CACNA2D4: variants seen among roughly 807,000 people sequenced by gnomAD.
CACNA2D4 encodes voltage-dependent calcium channel subunit alpha-2/delta-4.
In CACNA2D4, 157 loss-of-function variants were observed where a neutral mutation model predicts 163.8. The ratio of observed to expected loss-of-function variants is 0.96; its 90% CI spans 0.84 to 1.09. The LOEUF is 1.09. Ranked by LOEUF, CACNA2D4 falls within the 50% of genes least tolerant of loss-of-function variation. The pLI, the probability that CACNA2D4 is intolerant of heterozygous loss-of-function variation, is 0.00. For missense variants in CACNA2D4, 1,410 were observed against 1,479.9 expected, an observed-to-expected ratio of 0.95 and a Z score of 0.78; for synonymous variants, 598 against 586.9, an observed-to-expected ratio of 1.02 and a Z score of -0.27.
At chr12:1,794,268 C>T (rs186028941) in intron 37 of CACNA2D4, among the ~76,000 whole-genome samples, 167 of 152,212 alleles carry the variant, frequency 1.1e-3, no homozygotes, top group African/African-American at 3.6e-3. Context: ...CGTGGCTCTT[C>T]GTTAAAGCAC....
At position 1,806,298 on chromosome 12, in the gene CACNA2D4, A is replaced by G. The variant is rs1197533022; in HGVS notation, c.2721+3980T>C. The stretch of plus-strand genomic sequence containing the variant: ...GTCTGCTTCTCTTTCTAGGCCCCAC[A>G]TCGAGGGTTGCAATCTTGTCATCCA... On this transcript the variant is annotated intron_variant, in intron 29 of 37. Coordinates refer to ENST00000382722, the MANE Select transcript of CACNA2D4 (RefSeq NM_172364.5). This position sits in a 1 kb window ranked among gnomAD's most constrained non-coding sequence, Gnocchi z 4.1. Among the ~76,000 whole-genome samples, 2 of 152,172 alleles carry G rather than the reference A, an allele frequency of 1.3e-5. No homozygotes were observed. Among genetic ancestry groups the G allele is most frequent in the Admixed American group, 6.5e-5 (1 of 15,282 alleles).
intron 26 of CACNA2D4, among the ~76,000 whole-genome samples, chr12:1,817,412 G>T (rs1304856215): frequency 6.6e-6 from 1 of 152,072 alleles, no homozygotes; most frequent in Non-Finnish European, 1.5e-5. Flanking sequence ...ACACGGAACA[G>T]GTGAGGCCAG....
chr12:1,874,760 G>T lies in CACNA2D4; in HGVS notation c.1807-85C>A. The T allele has an allele frequency of 4.1e-6, 4 of 977,784 alleles. No homozygotes were observed. The highest frequency in any genetic ancestry group is 6.5e-6 in the Non-Finnish European group (4 of 611,354). 60.6% of individuals were successfully genotyped at this position (977,784 alleles called of 1,614,324 possible). A position where few individuals can be genotyped will look rare whatever the true frequency, so the allele number is the denominator to read the frequency against. ...GCATTCTTCAGACCAGATTAGAGGT[G>T]ATCCCCAGAAACACTTTTGGTTCTT... On this transcript the variant is annotated intron_variant, in intron 17 of 37. Transcript: ENST00000382722. The surrounding 1 kb of genome is among the most constrained non-coding windows in gnomAD (Gnocchi z 4.4).
At position 1,885,307 on chromosome 12, in the gene CACNA2D4, A is replaced by G. The variant is rs1468010604; in HGVS notation, c.1069-231T>C. Among the ~76,000 whole-genome samples the G allele has an allele frequency of 7.9e-5, 12 of 152,134 alleles. 1 individual carries two copies. Among genetic ancestry groups the G allele is most frequent in the Admixed American group, 5.2e-4 (8 of 15,284 alleles). ...GACTTGGTACACATCCATGGCCACTATTGATGGGAAACGCCAAGTGTGAAG... is the reference window on the plus strand; with the variant it reads ...GACTTGGTACACATCCATGGCCACTGTTGATGGGAAACGCCAAGTGTGAAG... On this transcript the variant is annotated intron_variant, in intron 9 of 37. Coordinates refer to ENST00000382722, the MANE Select transcript of CACNA2D4 (RefSeq NM_172364.5).
chr12:1,849,530 T>C (rs977479069), intron 23 of CACNA2D4, among the ~76,000 whole-genome samples: 15 of 152,248 alleles, frequency 9.9e-5, no homozygotes, highest in African/African-American at 3.4e-4. Flanking sequence ...TGGCTAGGTT[T>C]AGCTGTTTCA....
chr12:1,889,588 C>T (rs1030180055), intron 6 of CACNA2D4, among the ~76,000 whole-genome samples: 3 of 151,042 alleles, frequency 2.0e-5, no homozygotes, highest in Admixed American at 1.3e-4. Context: ...CCGCCCCCCC[C>T]AGTAGCTGGA....
intron 24 of CACNA2D4, among the ~76,000 whole-genome samples, chr12:1,845,328 C>G (rs1865119977): frequency 9.1e-6 from 1 of 110,028 alleles, no homozygotes; most frequent in Admixed American, 1.2e-4. Context: ...TGAGAGGGGG[C>G]GAGGGAAGGG....
At chr12:1,899,756 A>G (rs1272298009) in intron 6 of CACNA2D4, among the ~76,000 whole-genome samples, 1 of 152,172 alleles carries the variant, frequency 6.6e-6, no homozygotes, top group Admixed American at 6.5e-5. Flanking sequence ...AAAAAGAGGG[A>G]CTACTTCCAA....
chr12:1,897,760 A>G (rs1351328137), intron 6 of CACNA2D4, among the ~76,000 whole-genome samples: 2 of 152,246 alleles, frequency 1.3e-5, no homozygotes, highest in Non-Finnish European at 2.9e-5. Context: ...ACTATCAGAC[A>G]AAATACACAT....
At chr12:1,838,372 C>A (rs552981136) in intron 26 of CACNA2D4, among the ~76,000 whole-genome samples, 1 of 152,290 alleles carries the variant, frequency 6.6e-6, no homozygotes, top group East Asian at 1.9e-4. Flanking sequence ...ACTCAGCAGG[C>A]CTGGCGCTCA....
chr12:1,892,225 A>G (rs1466264722), intron 6 of CACNA2D4, among the ~76,000 whole-genome samples: 1 of 152,238 alleles, frequency 6.6e-6, no homozygotes, highest in Non-Finnish European at 1.5e-5. Context: ...CTCAGCAGAA[A>G]CCTTTCAGAT....
At chr12:1,876,404 G>A (rs1267728642) in intron 16 of CACNA2D4, among the ~76,000 whole-genome samples, 1 of 152,176 alleles carries the variant, frequency 6.6e-6, no homozygotes, top group African/African-American at 2.4e-5. Context: ...AGCCAAGACA[G>A]ATGTCACCAA....
intron 23 of CACNA2D4, among the ~76,000 whole-genome samples, chr12:1,852,571 G>A (rs1375560528): frequency 1.3e-5 from 2 of 152,032 alleles, no homozygotes; most frequent in Non-Finnish European, 2.9e-5. Flanking sequence ...CTTTGGAGAT[G>A]GTTATGTATT....
At chr12:1,831,328 A>C in intron 26 of CACNA2D4, 1 of 1,613,866 alleles carries the variant, frequency 6.2e-7, no homozygotes, top group Non-Finnish European at 8.5e-7. Context: ...GGCCTGGCCC[A>C]GTTGCCCCCT....
In CACNA2D4 at chr12:1,884,998, T is replaced by A. The variant is rs771220323; in HGVS notation, c.1147A>T (p.Ile383Phe). Residue 383 changes from isoleucine to phenylalanine, a missense_variant, in exon 10 of 38, where the codon ATC becomes TTC. Coordinates refer to ENST00000382722, the MANE Select transcript of CACNA2D4 (RefSeq NM_172364.5). ...ATTACAGTGGGCACCTGCTTCAGGATCTGGAAGGCTTCTCTCAGGGCTTGG... is the reference window on the plus strand; with the variant it reads ...ATTACAGTGGGCACCTGCTTCAGGAACTGGAAGGCTTCTCTCAGGGCTTGG... ...VDQALREAFQILKQFQEAKQG... is the reference protein window; with the variant it reads ...VDQALREAFQFLKQFQEAKQG... The A allele has an allele frequency of 8.1e-6, 13 of 1,613,640 alleles. No individual in the cohort carries two copies. The South Asian group carries it at 1.4e-4, about 18-fold the overall frequency.
intron 28 of CACNA2D4, 62 bp downstream of exon 28, chr12:1,810,481 A>G: frequency 1.3e-6 from 2 of 1,533,744 alleles, no homozygotes; most frequent in Non-Finnish European, 8.9e-7. Flanking sequence ...CTGGCCTGCC[A>G]GGAGGACCGG....
In CACNA2D4 at chr12:1,845,721, G is replaced by A. The variant is rs534787931; in HGVS notation, c.2342+873C>T. Among the ~76,000 whole-genome samples the A allele has an allele frequency of 8.5e-5, 13 of 152,316 alleles. No homozygotes were observed. In the East Asian group the frequency reaches 1.5e-3, roughly 18 times the overall value. On this transcript the variant is annotated intron_variant, in intron 24 of 37. Coordinates refer to ENST00000382722, the MANE Select transcript of CACNA2D4 (RefSeq NM_172364.5). ...GGCTCCCATCCTCCCTTGAGCACCC[G>A]GGTGGGCCAGCCCCTGATTCCCCCA...
Position 1,797,295 on chromosome 12 carries a change from A to C in CACNA2D4, c.3113+123T>G, listed in dbSNP as rs533183114. 87 of 736,428 alleles carry C rather than the reference A, an allele frequency of 1.2e-4. No individual in the cohort carries two copies. The African/African-American group carries it at 1.4e-3, about 12-fold the overall frequency. The allele number at this position is 736,428 out of a possible 1,614,324, so 45.6% of individuals were successfully genotyped here. A position where few individuals can be genotyped will look rare whatever the true frequency, so the allele number is the denominator to read the frequency against. ...CCGGGAGCGTGGGCTCTGCACTTAG[A>C]CGCATCCCCTCCTCCCGGCTGTGGA... On this transcript the variant is annotated intron_variant, in intron 35 of 37. Coordinates refer to ENST00000382722, the MANE Select transcript of CACNA2D4 (RefSeq NM_172364.5).
intron 20 of CACNA2D4, among the ~76,000 whole-genome samples, chr12:1,857,843 C>G (rs1865433577): frequency 6.6e-6 from 1 of 152,150 alleles, no homozygotes; most frequent in Admixed American, 6.5e-5. Flanking sequence ...GAAATAGGGT[C>G]TTGGCAGAAG....
Sources: allele counts gnomAD v4.1 joint callset (sites outside exome capture counted in the v4.1 genomes callset), GRCh38; gene constraint gnomAD v4.1.1; non-coding constraint Gnocchi (gnomAD v3.1); transcripts MANE v1.5; gene names NCBI Gene and HGNC (gene_info 2026-07-23, HGNC 2026-07-21).